AKR7A2: variants seen among roughly 807,000 people sequenced by gnomAD.
AKR7A2 encodes aflatoxin B1 aldehyde reductase member 2.
A neutral mutation model predicts 37.3 loss-of-function variants in AKR7A2; 29 were observed. The observed-to-expected ratio is 0.78, with a 90% confidence interval of 0.58 to 1.06. The LOEUF (loss-of-function observed/expected upper bound fraction) is 1.06, where lower values mean the gene tolerates loss of function less well. AKR7A2 is among the 50% of genes least tolerant of loss of function. The pLI, the probability that AKR7A2 is intolerant of heterozygous loss-of-function variation, is 0.00. For synonymous variants in AKR7A2, 228 were observed against 217.8 expected, an observed-to-expected ratio of 1.05 and a Z score of -0.41; for missense variants, 529 against 497.9, an observed-to-expected ratio of 1.06 and a Z score of -0.59.
chr1:19,311,439 T>C (rs2093774912), intron 1 of AKR7A2, among the ~76,000 whole-genome samples: 2 of 151,974 alleles, frequency 1.3e-5, no homozygotes, highest in Non-Finnish European at 2.9e-5. Context: ...AAGGCCAGGA[T>C]GAGAAAAGGG....
In AKR7A2 at chr1:19,308,200, G is replaced by T. The variant is rs767492017; in HGVS notation, c.549C>A (p.Thr183=). 6.2e-7 allele frequency: 1 copy of T among 1,614,086 alleles called. No homozygotes were observed. Among genetic ancestry groups the T allele is most frequent in the Non-Finnish European group, 8.5e-7 (1 of 1,179,982 alleles). ...YASWEVAEIC[T]LCKSNGWILP... is the part of the protein sequence containing the mutation. ...GGATCCAGCCATTGCTCTTGCAGAGGGTACAGATCTCGGCCACTTCCCAGC... is the reference window on the plus strand; with the variant it reads ...GGATCCAGCCATTGCTCTTGCAGAGTGTACAGATCTCGGCCACTTCCCAGC... Residue 183 remains threonine (T), a synonymous_variant, in exon 3 of 7, where the codon ACC becomes ACA. Coordinates refer to ENST00000235835, the MANE Select transcript of AKR7A2 (RefSeq NM_003689.4).
rs1487410076 is a variant in AKR7A2 at position 19,308,705 on chromosome 1, G to A, written c.299-63C>T. 1.0e-5 allele frequency: 15 copies of A among 1,498,124 alleles called. No individual in the cohort carries two copies. In the East Asian group the frequency reaches 3.2e-4, roughly 32 times the overall value. The allele number at this position is 1,498,124 out of a possible 1,614,324, so 92.8% of individuals were successfully genotyped here. ...AGCCATTTGCTAACCATGTAACCCT[G>A]GCTAAATTACTAATATTCTCTTGGC... On this transcript the variant is annotated intron_variant, in intron 1 of 6. Transcript: ENST00000235835.
rs778623206 is a variant in AKR7A2 at position 19,307,097 on chromosome 1, G to A, written c.693C>T (p.Gly231=). ...CATACTTGTACTTGCCAGTCAGCAGGCCCCCTGCGGGAAGGCAGCAATCAG... is the reference window on the plus strand; with the variant it reads ...CATACTTGTACTTGCCAGTCAGCAGACCCCCTGCGGGAAGGCAGCAATCAG... ...RFYAYNPLAG[G]LLTGKYKYED... Residue 231 remains glycine, a synonymous_variant, in exon 5 of 7, where the codon GGC becomes GGT. Coordinates refer to ENST00000235835, the MANE Select transcript of AKR7A2 (RefSeq NM_003689.4). 30 of 1,614,108 alleles carry A rather than the reference G, an allele frequency of 1.9e-5. No homozygotes were observed. Among genetic ancestry groups the A allele is most frequent in the Middle Eastern group, 3.3e-4 (2 of 6,084 alleles).
At chr1:19,304,491 T>G (rs1017559121) in intron 6 of AKR7A2, 105 bp from the exon 7 acceptor site, 9 of 1,594,062 alleles carry the variant, frequency 5.6e-6, no homozygotes, top group Non-Finnish European at 6.9e-6. Flanking sequence ...TCTGTTTATA[T>G]TTATATCTTG....
chr1:19,304,369 C>T lies in AKR7A2; in HGVS notation c.936G>A (p.Ala312=), dbSNP rs199757193. The part of the protein sequence containing the change: ...HSQLQGAHGD[A]VILGMSSLEQ... ...CCAGGCTGGACATGCCCAGGATGAC[C>T]GCGTCCCCGTGGGCACCCTGCAAGG... The change falls in exon 7 of 7, where the codon GCG becomes GCA. Residue 312 remains alanine (A), a synonymous_variant. Transcript: ENST00000235835. 108 of 1,614,066 alleles carry T rather than the reference C, an allele frequency of 6.7e-5. 1 individual carries two copies. The East Asian group carries it at 8.7e-4, about 13-fold the overall frequency.
chr1:19,309,675 A>G (rs3762394), intron 1 of AKR7A2, among the ~76,000 whole-genome samples: 128,491 of 152,080 alleles, frequency 0.84, 55,102 homozygotes, highest in Non-Finnish European at 0.92. Flanking sequence ...CTAGTTTGGG[A>G]GTACTTTGGG....
In AKR7A2 at chr1:19,308,579, G is replaced by A. The variant is rs767412155; in HGVS notation, c.362C>T (p.Ser121Phe). 5.0e-6 allele frequency: 8 copies of A among 1,614,076 alleles called. No homozygotes were observed. The Admixed American group carries it at 1.3e-4, about 27-fold the overall frequency. The change falls in exon 2 of 7, where the codon TCC (serine) becomes TTC (phenylalanine). Residue 121 changes from serine (S) to phenylalanine (F), a missense_variant. Transcript: ENST00000235835. Reference protein sequence around the residue: ...GKSLKPDSVRSQLETSLKRLQ... With the variant: ...GKSLKPDSVRFQLETSLKRLQ... ...CCTCTTCAATGACGTCTCCAGCTGGGACCGGACACTGTCAGGCTTTAGTGA... is the reference window on the plus strand; with the variant it reads ...CCTCTTCAATGACGTCTCCAGCTGGAACCGGACACTGTCAGGCTTTAGTGA...
rs193206961 is a variant in AKR7A2 at position 19,304,032 on chromosome 1, C to T, written c.*193G>A. ...TGCCTGCTTTATTCAACAGGAAGCG[C>T]TCAAGTGGGACTCACCCCCCACCTT... On this transcript the variant is annotated 3_prime_UTR_variant, in exon 7 of 7. Transcript: ENST00000235835. 38 of 913,198 alleles carry T rather than the reference C, an allele frequency of 4.2e-5. No individual in the cohort carries two copies. The East Asian group carries it at 9.6e-4, about 23-fold the overall frequency. 56.6% of individuals were successfully genotyped at this position (913,198 alleles called of 1,614,324 possible).
chr1:19,308,730 C>G (rs1389621069), intron 1 of AKR7A2, 88 bp from the exon 2 acceptor site: 7 of 1,313,134 alleles, frequency 5.3e-6, no homozygotes, highest in Middle Eastern at 1.8e-4. Flanking sequence ...ATTCTCTTGG[C>G]CTCAATTGTA....
At chr1:19,310,762 C>CT (rs11455967) in intron 1 of AKR7A2, among the ~76,000 whole-genome samples, 21,216 of 152,050 alleles carry the variant, frequency 0.14, 1,626 homozygotes, top group Admixed American at 0.19. Context: ...CTTTTCCCCC[C>CT]GACCCCCCAA....
At position 19,306,090 on chromosome 1, in the gene AKR7A2, G is replaced by T. The variant is rs963724504; in HGVS notation, c.846C>A (p.Ala282=). Residue 282 remains alanine, a synonymous_variant, in exon 6 of 7, where the codon GCC becomes GCA. Transcript: ENST00000235835. ...CACTGGGGGCGCTGGCGCCATATGC[G>T]GCCTGCAGGGCCTTCTCCACCAACG... ...AIALVEKALQ[A]AYGASAPSVT... 10 of 1,614,054 alleles carry T rather than the reference G, an allele frequency of 6.2e-6. No individual in the cohort carries two copies. The highest frequency in any genetic ancestry group is 6.8e-6 in the Non-Finnish European group (8 of 1,180,010).
At position 19,307,392 on chromosome 1, in the gene AKR7A2, T is replaced by G; in HGVS notation, c.610A>C (p.Thr204Pro). Reference protein sequence around the residue: ...TVYQGMYNATTRQVETELFPC... With the variant: ...TVYQGMYNATPRQVETELFPC... ...AAGAGCTCCGTTTCCACCTGCCGGG[T>G]GGTGGCGTTGTACATGCCCTGCAGG... is the stretch of plus-strand genomic sequence containing the variant. Residue 204 changes from threonine (T) to proline (P), a missense_variant, in exon 4 of 7, where the codon ACC becomes CCC. Coordinates refer to ENST00000235835, the MANE Select transcript of AKR7A2 (RefSeq NM_003689.4). 6.2e-7 allele frequency: 1 copy of G among 1,613,998 alleles called. No individual in the cohort carries two copies. The highest frequency in any genetic ancestry group is 1.1e-5 in the South Asian group (1 of 91,072).
chr1:19,306,779 G>A (rs2093762289), intron 5 of AKR7A2, among the ~76,000 whole-genome samples: 1 of 152,072 alleles, frequency 6.6e-6, no homozygotes, highest in Non-Finnish European at 1.5e-5. Flanking sequence ...GCTCAGGAAC[G>A]AGCTATGACT....
rs746882021 is a variant in AKR7A2, at chr1:19,311,936, A to G, written c.189T>C (p.Phe63=). 6.2e-7 allele frequency: 1 copy of G among 1,604,822 alleles called. No individual in the cohort carries two copies. Among genetic ancestry groups the G allele is most frequent in the Non-Finnish European group, 8.5e-7 (1 of 1,176,788 alleles). Residue 63 remains phenylalanine (F), a synonymous_variant, in exon 1 of 7, where the codon TTT becomes TTC. Transcript: ENST00000235835. The part of the protein sequence containing the change: ...APASAAAVRA[F]LERGHTELDT... ...CCAGTTCGGTGTGGCCGCGCTCCAG[A>G]AAGGCGCGCACGGCCGCGGCGCTGG...
chr1:19,311,012 A>G (rs1331023240), intron 1 of AKR7A2, among the ~76,000 whole-genome samples: 2 of 152,140 alleles, frequency 1.3e-5, no homozygotes, highest in East Asian at 1.9e-4. Flanking sequence ...CATCACGCAC[A>G]TTGCATTTCC....
intron 2 of AKR7A2, 59 bp from the exon 3 acceptor site, chr1:19,308,321 A>C (rs2093765749): frequency 1.4e-5 from 22 of 1,611,064 alleles, no homozygotes; most frequent in Middle Eastern, 3.3e-4. Context: ...AGGGGAGGCC[A>C]GGGTGGGGCC....
At chr1:19,305,974 C>T (rs373739657) in intron 6 of AKR7A2, 44 bp downstream of exon 6, 61 of 1,612,746 alleles carry the variant, frequency 3.8e-5, no homozygotes, top group Non-Finnish European at 4.8e-5. Flanking sequence ...TGACGCTGGT[C>T]CCCCTGGAAG....
intron 6 of AKR7A2, 62 bp downstream of exon 6, chr1:19,305,956 C>T: frequency 6.2e-7 from 1 of 1,612,252 alleles, no homozygotes. Flanking sequence ...TTGGGCTTCA[C>T]CTAAAGGTGA....
chr1:19,303,173 G>A (rs1191764925), downstream of AKR7A2, among the ~76,000 whole-genome samples: 2 of 152,186 alleles, frequency 1.3e-5, no homozygotes, highest in African/African-American at 2.4e-5. Flanking sequence ...AGGCTGAGGT[G>A]GGAGGATCCC....
Sources: gnomAD v4.1 joint callset for allele counts (sites outside exome capture counted in the v4.1 genomes callset) on GRCh38, gnomAD v4.1.1 for gene constraint, MANE v1.5 for transcripts, NCBI Gene and HGNC (gene_info 2026-07-23, HGNC 2026-07-21) for gene names.